Variants in HYDIN observed in about 807,000 individuals in gnomAD.
The protein encoded by HYDIN is axonemal central pair apparatus protein HYDIN.
In HYDIN, 132 loss-of-function variants were observed where a neutral mutation model predicts 403.9. That is an observed-to-expected ratio of 0.33 (90% CI 0.28 to 0.38). HYDIN has a LOEUF of 0.38. Among genes scored for constraint, HYDIN ranks in the 10% least tolerant of loss-of-function variants. HYDIN has a pLI of 1.00. For missense variants in HYDIN, 2,827 were observed against 5,009.5 expected (o/e 0.56, Z 13.15); for synonymous variants, 1,202 against 1,891.7 (o/e 0.64, Z 9.46).
intron 7 of HYDIN, among the ~76,000 whole-genome samples, chr16:71,143,589 C>A (rs1236692503): frequency 6.6e-6 from 1 of 152,096 alleles, no homozygotes; most frequent in Non-Finnish European, 1.5e-5. Context: ...ACATTTGCTT[C>A]TTTTACAATA....
chr16:70,820,112 G>A (rs909460694), intron 83 of HYDIN, among the ~76,000 whole-genome samples: 16 of 148,262 alleles, frequency 1.1e-4, no homozygotes, highest in Non-Finnish European at 3.0e-5. Context: ...GAGCCACCGC[G>A]CCTGGCCTTC....
intron 50 of HYDIN, among the ~76,000 whole-genome samples, chr16:70,906,368 G>T (rs1234702161): frequency 1.3e-5 from 2 of 151,810 alleles, no homozygotes; most frequent in Non-Finnish European, 2.9e-5. Flanking sequence ...AGGAGAAAAA[G>T]ACATGATTGC....
intron 19 of HYDIN, 73 bp from the exon 20 acceptor site, chr16:71,027,948 T>C: frequency 1.8e-6 from 1 of 543,748 alleles, no homozygotes; most frequent in South Asian, 2.3e-5. Context: ...CCCTTGGGAT[T>C]TACTCTTCTG....
At chr16:71,199,337 T>G (rs1357310752) in intron 1 of HYDIN, among the ~76,000 whole-genome samples, 1 of 152,220 alleles carries the variant, frequency 6.6e-6, no homozygotes, top group African/African-American at 2.4e-5. Context: ...TCCCTACTCC[T>G]TTGAAGCAGC....
intron 18 of HYDIN, among the ~76,000 whole-genome samples, chr16:71,058,443 T>G (rs1316290128): frequency 5.2e-5 from 4 of 76,912 alleles, no homozygotes; most frequent in Non-Finnish European, 9.8e-5. Flanking sequence ...GGGACTGTGG[T>G]GGGGTGGGGG....
intron 1 of HYDIN, among the ~76,000 whole-genome samples, chr16:71,190,211 C>A (rs1484923146): frequency 6.6e-6 from 1 of 151,900 alleles, no homozygotes. Flanking sequence ...GACAAGGGTA[C>A]AAAATGTATA....
At chr16:71,101,762 C>A (rs540200133) in intron 10 of HYDIN, among the ~76,000 whole-genome samples, 2 of 152,242 alleles carry the variant, frequency 1.3e-5, no homozygotes, top group South Asian at 4.2e-4. Context: ...TAGACTGGCA[C>A]AACCCCTTTG....
intron 6 of HYDIN, among the ~76,000 whole-genome samples, chr16:71,161,288 C>T (rs954111452): frequency 9.2e-5 from 14 of 152,060 alleles, no homozygotes; most frequent in African/African-American, 2.4e-4. Context: ...GGAGCTCAGG[C>T]GGTAATGCTA....
intron 9 of HYDIN, among the ~76,000 whole-genome samples, chr16:71,116,298 C>T (rs2084029526): frequency 7.7e-6 from 1 of 129,292 alleles, no homozygotes; most frequent in South Asian, 2.4e-4. Flanking sequence ...ATTTGTCTTT[C>T]TGTGTCTGGC....
At chr16:71,200,121 T>C (rs1348548536) in intron 1 of HYDIN, among the ~76,000 whole-genome samples, 1 of 152,170 alleles carries the variant, frequency 6.6e-6, no homozygotes, top group African/African-American at 2.4e-5. Flanking sequence ...AAAAATGCCA[T>C]GACAACATCA....
At chr16:71,101,965 G>T (rs1208760645) in intron 10 of HYDIN, among the ~76,000 whole-genome samples, 1 of 151,924 alleles carries the variant, frequency 6.6e-6, no homozygotes, top group East Asian at 1.9e-4. Context: ...AACTGGATAG[G>T]AATTTTTATA....
intron 46 of HYDIN, among the ~76,000 whole-genome samples, chr16:70,919,310 C>T (rs765241674): frequency 3.9e-5 from 6 of 152,108 alleles, no homozygotes; most frequent in South Asian, 4.1e-4. Flanking sequence ...TGTTATAGTC[C>T]TTTTTTTAAA....
intron 2 of HYDIN, among the ~76,000 whole-genome samples, chr16:71,185,671 G>A (rs2087113697): frequency 6.6e-6 from 1 of 152,024 alleles, no homozygotes; most frequent in Non-Finnish European, 1.5e-5. Flanking sequence ...GAAAAAAAAA[G>A]TAACCTAGCA....
intron 76 of HYDIN, 144 bp downstream of exon 76, chr16:70,839,920 C>A (rs565933487): frequency 1.8e-6 from 1 of 551,518 alleles, no homozygotes; most frequent in Admixed American, 3.1e-5. Context: ...GGGACAGGGA[C>A]CTAGGATTCA....
intron 13 of HYDIN, among the ~76,000 whole-genome samples, chr16:71,078,949 C>A (rs528240667): frequency 2.6e-5 from 4 of 152,328 alleles, no homozygotes; most frequent in Non-Finnish European, 1.5e-5. Flanking sequence ...GCTGTATTTC[C>A]TAGCCTTATG....
At chr16:71,211,334 G>C (rs1196777730) in intron 1 of HYDIN, among the ~76,000 whole-genome samples, 1 of 152,070 alleles carries the variant, frequency 6.6e-6, no homozygotes. Flanking sequence ...TGAGGTACCT[G>C]GTAAATATAA....
intron 11 of HYDIN, among the ~76,000 whole-genome samples, chr16:71,089,825 C>T (rs2083057215): frequency 6.7e-6 from 1 of 150,210 alleles, no homozygotes; most frequent in Non-Finnish European, 1.5e-5. Context: ...TGGGGAGGTA[C>T]TGTGGAGGAG....
chr16:70,862,312 A>AG (rs2039466650), intron 68 of HYDIN, 57 bp from the exon 69 acceptor site: 1 of 1,123,816 alleles, frequency 8.9e-7, no homozygotes, highest in Admixed American at 2.3e-5. Flanking sequence ...GGCAGGTGGA[A>AG]GGGAGCCCAC....
intron 80 of HYDIN, among the ~76,000 whole-genome samples, chr16:70,830,464 T>A (rs928550059): frequency 6.9e-6 from 1 of 144,518 alleles, no homozygotes; most frequent in South Asian, 2.2e-4. Flanking sequence ...TTTTTTTTTT[T>A]AGTTGAAAAA....
Sources: allele counts gnomAD v4.1 joint callset (sites outside exome capture counted in the v4.1 genomes callset), GRCh38; gene constraint gnomAD v4.1.1; transcripts MANE v1.5; gene names NCBI Gene and HGNC (gene_info 2026-07-23, HGNC 2026-07-21).